GHR: variants seen among roughly 807,000 people sequenced by gnomAD.
The protein encoded by GHR is GH receptor.
A neutral mutation model predicts 67.1 loss-of-function variants in GHR; 35 were observed. That is an observed-to-expected ratio of 0.52 (90% confidence interval 0.40 to 0.69). The LOEUF is 0.69. Ranked by LOEUF, GHR falls within the 30% of genes least tolerant of loss-of-function variation. The pLI is 0.00. For synonymous variants in GHR, 272 were observed against 269.1 expected (o/e 1.01, Z -0.10); for missense variants, 792 against 764.6 (o/e 1.04, Z -0.42).
chr5:42,479,430 C>T (rs957858451), intron 1 of GHR, among the ~76,000 whole-genome samples: 2 of 152,268 alleles, frequency 1.3e-5, no homozygotes, highest in East Asian at 3.9e-4. Context: ...CCCTCTTTTT[C>T]TATTGATTGG....
intron 3 of GHR, among the ~76,000 whole-genome samples, chr5:42,664,050 C>T (rs1755816502): frequency 6.6e-6 from 1 of 151,822 alleles, no homozygotes; most frequent in South Asian, 2.1e-4. Context: ...CATGAAGGAC[C>T]TCTTCAAGGA....
chr5:42,667,757 G>C (rs1315916024), intron 3 of GHR, among the ~76,000 whole-genome samples: 1 of 152,164 alleles, frequency 6.6e-6, no homozygotes, highest in Non-Finnish European at 1.5e-5. Context: ...GGTATGGGTG[G>C]AAATAAACCC....
At chr5:42,700,124 T>G in intron 6 of GHR, 122 bp downstream of exon 6, 1 of 691,504 alleles carries the variant, frequency 1.4e-6, no homozygotes, top group Non-Finnish European at 2.7e-6. Flanking sequence ...CTCCATAATT[T>G]CTTAATTGAG....
intron 1 of GHR, chr5:42,467,103 T>C: frequency 3.1e-6 from 5 of 1,595,010 alleles, no homozygotes; most frequent in Non-Finnish European, 4.3e-6. Flanking sequence ...ATGAGCTACA[T>C]GTGAAGGCCT....
At chr5:42,480,116 CT>C (rs2112147076) in intron 1 of GHR, among the ~76,000 whole-genome samples, 1 of 152,224 alleles carries the variant, frequency 6.6e-6, no homozygotes, top group East Asian at 1.9e-4. Flanking sequence ...CAAAGAACAT[CT>C]TTATTTCTGC....
Position 42,485,866 on chromosome 5 carries a change from A to G in GHR, c.-12+61911A>G, listed in dbSNP as rs538200075. Among the ~76,000 whole-genome samples the G allele has an allele frequency of 1.1e-3, 165 of 152,192 alleles. 1 individual carries two copies. The highest frequency in any genetic ancestry group is 1.9e-3 in the Non-Finnish European group (131 of 67,994). On this transcript the variant is annotated intron_variant, in intron 1 of 9. Coordinates refer to ENST00000230882, the MANE Select transcript of GHR (RefSeq NM_000163.5). ...AGCCTTTCATTGATTTCTCACCTCC[A>G]TTCTATATTCCTCCTGGCACTTGTT...
chr5:42,484,703 G>A (rs1472228231), intron 1 of GHR, among the ~76,000 whole-genome samples: 1 of 152,172 alleles, frequency 6.6e-6, no homozygotes, highest in African/African-American at 2.4e-5. Flanking sequence ...CTCTTTGATA[G>A]AGATTCAATA....
At position 42,550,739 on chromosome 5, in the gene GHR, A is replaced by G. The variant is rs1036565179; in HGVS notation, c.-11-15125A>G. ...GGTAGCCACCGATGGGGGAAGCTGGACTGTGGGAAGCCGAGTTCTGCCACC... is the reference window on the plus strand; with the variant it reads ...GGTAGCCACCGATGGGGGAAGCTGGGCTGTGGGAAGCCGAGTTCTGCCACC... On this transcript the variant is annotated intron_variant, in intron 1 of 9. Coordinates refer to ENST00000230882, the MANE Select transcript of GHR (RefSeq NM_000163.5). Among the ~76,000 whole-genome samples the G allele has an allele frequency of 2.0e-5, 3 of 152,138 alleles. 1 individual carries two copies. The highest frequency in any genetic ancestry group is 7.2e-5 in the African/African-American group (3 of 41,424).
At chr5:42,516,394 G>A (rs141831533) in intron 1 of GHR, among the ~76,000 whole-genome samples, 210 of 152,294 alleles carry the variant, frequency 1.4e-3, no homozygotes, top group Non-Finnish European at 2.7e-3. Flanking sequence ...CACAGTGATT[G>A]TGGACCCCGG....
intron 1 of GHR, chr5:42,467,467 C>T (rs1744781690): frequency 2.0e-6 from 2 of 986,148 alleles, no homozygotes; most frequent in African/African-American, 1.6e-5. Flanking sequence ...ATTACATTTA[C>T]AGCATTTTTC....
In GHR at chr5:42,716,536, A is replaced by G. The variant is rs553722752; in HGVS notation, c.876-1516A>G. On this transcript the variant is annotated intron_variant, in intron 8 of 9. Coordinates refer to ENST00000230882, the MANE Select transcript of GHR (RefSeq NM_000163.5). ...CTTGTGTTCTCATAAAATTTTATCTACACAAACATGTGACAGGCCAGATTT... is the reference window on the plus strand; with the variant it reads ...CTTGTGTTCTCATAAAATTTTATCTGCACAAACATGTGACAGGCCAGATTT... Among the ~76,000 whole-genome samples, 3 of 152,350 alleles carry G rather than the reference A, an allele frequency of 2.0e-5. No individual in the cohort carries two copies. The South Asian group carries it at 6.2e-4, about 32-fold the overall frequency.
At chr5:42,699,053 CAG>C (rs1757807730) in intron 5 of GHR, among the ~76,000 whole-genome samples, 1 of 152,292 alleles carries the variant, frequency 6.6e-6, no homozygotes, top group South Asian at 2.1e-4. Flanking sequence ...GTCAAAAAGA[CAG>C]AAAACACTGA....
At chr5:42,656,096 A>T (rs757386885) in intron 3 of GHR, among the ~76,000 whole-genome samples, 1 of 152,120 alleles carries the variant, frequency 6.6e-6, no homozygotes, top group Non-Finnish European at 1.5e-5. Context: ...TGCAAAAAAC[A>T]TGTTCTAACA....
chr5:42,617,241 T>TAA (rs879356349), intron 2 of GHR, among the ~76,000 whole-genome samples: 4 of 143,232 alleles, frequency 2.8e-5, no homozygotes, highest in African/African-American at 1.0e-4. Flanking sequence ...CTCATTCCCT[T>TAA]AAAAAAAAAA....
At chr5:42,564,344 AT>A (rs1165476611) in intron 1 of GHR, among the ~76,000 whole-genome samples, 233 of 149,734 alleles carry the variant, frequency 1.6e-3, no homozygotes, top group African/African-American at 5.4e-3. Context: ...TTTATTTGAA[AT>A]CTCACAATGT....
chr5:42,613,178 T>C (rs928622987), intron 2 of GHR, among the ~76,000 whole-genome samples: 1 of 152,160 alleles, frequency 6.6e-6, no homozygotes, highest in Admixed American at 6.6e-5. Flanking sequence ...GTAATCCATA[T>C]AGCTTTCCTA....
chr5:42,605,498 C>A (rs930287900), intron 2 of GHR, among the ~76,000 whole-genome samples: 2 of 152,038 alleles, frequency 1.3e-5, no homozygotes, highest in Non-Finnish European at 2.9e-5. Flanking sequence ...AAGTTAGTGA[C>A]CAAGGTAGAG....
At chr5:42,629,996 A>G (rs1214391505) in intron 3 of GHR, among the ~76,000 whole-genome samples, 2 of 131,522 alleles carry the variant, frequency 1.5e-5, no homozygotes, top group South Asian at 2.4e-4. Context: ...CTCCTCTTCA[A>G]CCACAAGACA....
intron 1 of GHR, among the ~76,000 whole-genome samples, chr5:42,489,699 GA>G (rs1162986533): frequency 5.3e-5 from 8 of 152,164 alleles, no homozygotes; most frequent in Non-Finnish European, 7.4e-5. Context: ...GTATTGATAT[GA>G]ATTATCATTG....
Sources: gnomAD v4.1 joint callset for allele counts (sites outside exome capture counted in the v4.1 genomes callset) on GRCh38, gnomAD v4.1.1 for gene constraint, MANE v1.5 for transcripts, NCBI Gene and HGNC (gene_info 2026-07-23, HGNC 2026-07-21) for gene names.